MYD88: variants seen among roughly 807,000 people sequenced by gnomAD.
The protein encoded by MYD88 is MYD88 innate immune signal transduction adaptor, also known as myeloid differentiation primary response protein MyD88.
A neutral mutation model predicts 31.1 loss-of-function variants in MYD88; 15 were observed. The observed-to-expected ratio is 0.48, with a 90% CI of 0.32 to 0.74. The LOEUF (loss-of-function observed/expected upper bound fraction) is 0.74. Ranked by LOEUF, MYD88 falls within the 30% of genes least tolerant of loss-of-function variation. The probability of loss-of-function intolerance (pLI) is 0.03; values close to 1 mark genes in which losing one functional copy is unlikely to be tolerated. For synonymous variants in MYD88, 157 were observed against 158.8 expected, an observed-to-expected ratio of 0.99 and a Z score of 0.08; for missense variants, 308 against 387.4, an observed-to-expected ratio of 0.79 and a Z score of 1.72.
chr3:38,140,585 C>A lies in MYD88; in HGVS notation c.644+17C>A, dbSNP rs377443319. The A allele has an allele frequency of 3.7e-6, 6 of 1,614,088 alleles. No individual in the cohort carries two copies. In the South Asian group the frequency reaches 5.5e-5, roughly 15 times the overall value. On this transcript the variant is annotated intron_variant, in intron 3 of 4. Transcript: ENST00000650905. ...CGAAAAGAGGTTGGCTAGAAGGCCACGGGGTGGGTGCGTGGATGCATGAAG... is the reference window on the plus strand; with the variant it reads ...CGAAAAGAGGTTGGCTAGAAGGCCAAGGGGTGGGTGCGTGGATGCATGAAG...
rs1015066965 is a variant in MYD88 at position 38,141,500 on chromosome 3, A to G, written c.*214A>G. On this transcript the variant is annotated 3_prime_UTR_variant, in exon 5 of 5. Transcript: ENST00000650905. ...TGTGAGTGGCATGTCCACTTGCTGGATTATCAGCCAGGACACTATAGAACA... is the reference window on the plus strand; with the variant it reads ...TGTGAGTGGCATGTCCACTTGCTGGGTTATCAGCCAGGACACTATAGAACA... The G allele has an allele frequency of 1.5e-6, 1 of 669,466 alleles. No homozygotes were observed. Among genetic ancestry groups the G allele is most frequent in the African/African-American group, 1.8e-5 (1 of 56,622 alleles). 41.5% of individuals were successfully genotyped at this position (669,466 alleles called of 1,614,324 possible).
chr3:38,139,053 C>T lies in MYD88; in HGVS notation c.328+25C>T, dbSNP rs201354839. 980 of 1,595,130 alleles carry T rather than the reference C, an allele frequency of 6.1e-4. 1 individual carries two copies. The highest frequency in any genetic ancestry group is 7.3e-4 in the Non-Finnish European group (860 of 1,175,900). Reference sequence around the variant, plus strand: ...GGTGAGGACGTCCCCTTCCTGGCCTCGTACCTGGGGGGTGAGGAGGCTGAC... The same window carrying T: ...GGTGAGGACGTCCCCTTCCTGGCCTTGTACCTGGGGGGTGAGGAGGCTGAC... On this transcript the variant is annotated intron_variant, in intron 1 of 4. Transcript: ENST00000650905. This position sits in a 1 kb window ranked among gnomAD's most constrained non-coding sequence, Gnocchi z 4.7.
At position 38,142,001 on chromosome 3, in the gene MYD88, A is replaced by G. The variant is rs147457772; in HGVS notation, c.*715A>G. ...AAGTCCCCAAGAGACTCGCCTGAGC[A>G]GCTTGGGCTGCTTTTCATTTCCACC... On this transcript the variant is annotated 3_prime_UTR_variant, in exon 5 of 5. Transcript: ENST00000650905. 58 of 236,688 alleles carry G rather than the reference A, an allele frequency of 2.5e-4. No homozygotes were observed. In the Middle Eastern group the frequency reaches 3.8e-3, roughly 16 times the overall value. The allele number at this position is 236,688 out of a possible 1,614,324, so 14.7% of individuals were successfully genotyped here. A position where few individuals can be genotyped will look rare whatever the true frequency, so the allele number is the denominator to read the frequency against.
At position 38,142,942 on chromosome 3, in the gene MYD88, G is replaced by A. The variant is rs112504425; in HGVS notation, c.*1656G>A. The A allele has an allele frequency of 1.9e-3, 448 of 233,182 alleles. 4 individuals carry two copies. The highest frequency in any genetic ancestry group is 8.0e-3 in the African/African-American group (362 of 45,416). 14.4% of individuals were successfully genotyped at this position (233,182 alleles called of 1,614,324 possible). A position where few individuals can be genotyped will look rare whatever the true frequency, so the allele number is the denominator to read the frequency against. On this transcript the variant is annotated 3_prime_UTR_variant, in exon 5 of 5. Coordinates refer to ENST00000650905, the MANE Select transcript of MYD88 (RefSeq NM_002468.5). ...ATTTCAAAGATATCTGAGAAAAGCC[G>A]ATATTTGCCATTCTTCCTATATCCT...
intron 4 of MYD88, 114 bp downstream of exon 4, chr3:38,140,962 A>G (rs1559485063): frequency 7.4e-7 from 1 of 1,354,026 alleles, no homozygotes; most frequent in Non-Finnish European, 1.1e-6. Context: ...ACTGCTGAAG[A>G]TCTCTGCACA....
In MYD88 at chr3:38,139,743, A is replaced by T; in HGVS notation, c.329-121A>T. ...CGTTGAGCTTCGCGTGGCACCAGTG[A>T]ACTGGGGAAGCCCTCTAGAACAACC... is the stretch of plus-strand genomic sequence containing the variant. On this transcript the variant is annotated intron_variant, in intron 1 of 4. Coordinates refer to ENST00000650905, the MANE Select transcript of MYD88 (RefSeq NM_002468.5). This position sits in a 1 kb window ranked among gnomAD's most constrained non-coding sequence, Gnocchi z 4.7. 6 of 1,313,156 alleles carry T rather than the reference A, an allele frequency of 4.6e-6. No homozygotes were observed. The highest frequency in any genetic ancestry group is 6.4e-6 in the Non-Finnish European group (6 of 932,406). 81.3% of individuals were successfully genotyped at this position (1,313,156 alleles called of 1,614,324 possible). A position where few individuals can be genotyped will look rare whatever the true frequency, so the allele number is the denominator to read the frequency against.
Position 38,139,000 on chromosome 3 carries a change from C to G in MYD88, c.300C>G (p.Asp100Glu), listed in dbSNP as rs1045379373. 6.2e-7 allele frequency: 1 copy of G among 1,606,146 alleles called. No individual in the cohort carries two copies. Among genetic ancestry groups the G allele is most frequent in the Non-Finnish European group, 8.5e-7 (1 of 1,179,832 alleles). Reference sequence around the variant, plus strand: ...TGCTTACCAAGCTGGGCCGCGACGACGTGCTGCTGGAGCTGGGACCCAGCA... The same window carrying G: ...TGCTTACCAAGCTGGGCCGCGACGAGGTGCTGCTGGAGCTGGGACCCAGCA... ...LELLTKLGRD[D>E]VLLELGPSIE... Residue 100 changes from aspartate to glutamate, a missense_variant, in exon 1 of 5, where the codon GAC becomes GAG. Coordinates refer to ENST00000650905, the MANE Select transcript of MYD88 (RefSeq NM_002468.5). The surrounding 1 kb of genome is among the most constrained non-coding windows in gnomAD (Gnocchi z 6.4).
rs1407497884 is a variant in MYD88 at position 38,139,907 on chromosome 3, G to A, written c.372G>A (p.Glu124=). The part of the protein sequence containing the change: ...QKYILKQQQE[E]AEKPLQVAAV... The stretch of plus-strand genomic sequence containing the variant: ...ATATCTTGAAGCAGCAGCAGGAGGA[G>A]GCTGAGAAGCCTTTACAGGTGGCCG... Residue 124 remains glutamate, a synonymous_variant, in exon 2 of 5, where the codon GAG becomes GAA. Transcript: ENST00000650905. The surrounding 1 kb of genome is among the most constrained non-coding windows in gnomAD (Gnocchi z 4.7). 9.3e-6 allele frequency: 15 copies of A among 1,613,578 alleles called. No individual in the cohort carries two copies. The highest frequency in any genetic ancestry group is 1.3e-5 in the Non-Finnish European group (15 of 1,180,020).
At position 38,142,929 on chromosome 3, in the gene MYD88, T is replaced by C. The variant is rs928690483; in HGVS notation, c.*1643T>C. 41 of 233,150 alleles carry C rather than the reference T, an allele frequency of 1.8e-4. No individual in the cohort carries two copies. Among genetic ancestry groups the C allele is most frequent in the Admixed American group, 1.2e-3 (21 of 17,780 alleles). 14.4% of individuals were successfully genotyped at this position (233,150 alleles called of 1,614,324 possible). A position where few individuals can be genotyped will look rare whatever the true frequency, so the allele number is the denominator to read the frequency against. ...ACGCATTAAAATAATTTCAAAGATA[T>C]CTGAGAAAAGCCGATATTTGCCATT... On this transcript the variant is annotated 3_prime_UTR_variant, in exon 5 of 5. Transcript: ENST00000650905.
Position 38,140,009 on chromosome 3 carries a change from A to T in MYD88, c.463+11A>T, listed in dbSNP as rs369086722. The stretch of plus-strand genomic sequence containing the variant: ...TTGATGACCCCCTGGGTAAGGGTCC[A>T]ATACTGTTCCCATGGGACAGGTGGA... On this transcript the variant is annotated intron_variant, in intron 2 of 4. Coordinates refer to ENST00000650905, the MANE Select transcript of MYD88 (RefSeq NM_002468.5). 9.5e-5 allele frequency: 153 copies of T among 1,612,992 alleles called. No homozygotes were observed. Among genetic ancestry groups the T allele is most frequent in the Admixed American group, 1.5e-4 (9 of 59,870 alleles).
rs1034550886 is a variant in MYD88, at chr3:38,141,535, G to A, written c.*249G>A. The A allele has an allele frequency of 1.7e-6, 1 of 585,116 alleles. No homozygotes were observed. The highest frequency in any genetic ancestry group is 3.1e-6 in the Non-Finnish European group (1 of 323,886). The allele number at this position is 585,116 out of a possible 1,614,324, so 36.2% of individuals were successfully genotyped here. A position where few individuals can be genotyped will look rare whatever the true frequency, so the allele number is the denominator to read the frequency against. On this transcript the variant is annotated 3_prime_UTR_variant, in exon 5 of 5. Transcript: ENST00000650905. Reference sequence around the variant, plus strand: ...AGGACACTATAGAACAGGACCAGCTGAGACTAAGAAGGACCAGCAGAGCCA... The same window carrying A: ...AGGACACTATAGAACAGGACCAGCTAAGACTAAGAAGGACCAGCAGAGCCA...
chr3:38,141,026 G>T, intron 4 of MYD88, 106 bp from the exon 5 acceptor site: 2 of 1,507,100 alleles, frequency 1.3e-6, no homozygotes, highest in Non-Finnish European at 1.8e-6. Context: ...GTGTGCCAGG[G>T]GTACTTAGAT....
In MYD88 at chr3:38,141,374, T is replaced by C; in HGVS notation, c.*88T>C. On this transcript the variant is annotated 3_prime_UTR_variant, in exon 5 of 5. Coordinates refer to ENST00000650905, the MANE Select transcript of MYD88 (RefSeq NM_002468.5). ...CCTCCTCCTTTCGTTGTAGGAGGAA[T>C]CTGTGCTCTACTTACCTCTCAATTC... 6.5e-7 allele frequency: 1 copy of C among 1,545,022 alleles called. No individual in the cohort carries two copies. The highest frequency in any genetic ancestry group is 8.9e-7 in the Non-Finnish European group (1 of 1,118,342).
Position 38,142,313 on chromosome 3 carries a change from T to G in MYD88, c.*1027T>G, listed in dbSNP as rs1701098752. On this transcript the variant is annotated 3_prime_UTR_variant, in exon 5 of 5. Transcript: ENST00000650905. ...TCACATACAGACACACACATATATG[T>G]ACAGACATGTACTCTCACACACACA... 1 of 233,156 alleles carries G rather than the reference T, an allele frequency of 4.3e-6. No homozygotes were observed. The highest frequency in any genetic ancestry group is 1.8e-4 in the South Asian group (1 of 5,522). The allele number at this position is 233,156 out of a possible 1,614,324, so 14.4% of individuals were successfully genotyped here.
chr3:38,138,671 G>A lies in MYD88; in HGVS notation c.-30G>A, dbSNP rs541535441. ...GAAGCGCTGGCAGACAATGCGACCC[G>A]ACCGCGCTGAGGCTCCAGGACCGCC... On this transcript the variant is annotated 5_prime_UTR_variant, in exon 1 of 5. Transcript: ENST00000650905. This position sits in a 1 kb window ranked among gnomAD's most constrained non-coding sequence, Gnocchi z 6.4. The A allele has an allele frequency of 5.8e-6, 9 of 1,561,718 alleles. No homozygotes were observed. The highest frequency in any genetic ancestry group is 3.6e-5 in the Admixed American group (2 of 55,842).
chr3:38,138,670 C>G lies in MYD88; in HGVS notation c.-31C>G. 1 of 1,561,482 alleles carries G rather than the reference C, an allele frequency of 6.4e-7. No individual in the cohort carries two copies. Among genetic ancestry groups the G allele is most frequent in the South Asian group, 1.2e-5 (1 of 85,456 alleles). On this transcript the variant is annotated 5_prime_UTR_variant, in exon 1 of 5. Coordinates refer to ENST00000650905, the MANE Select transcript of MYD88 (RefSeq NM_002468.5). The surrounding 1 kb of genome is among the most constrained non-coding windows in gnomAD (Gnocchi z 6.4). ...GGAAGCGCTGGCAGACAATGCGACC[C>G]GACCGCGCTGAGGCTCCAGGACCGC...
chr3:38,140,076 A>G, intron 2 of MYD88, 78 bp downstream of exon 2: 1 of 1,563,158 alleles, frequency 6.4e-7, no homozygotes, highest in Non-Finnish European at 8.7e-7. Flanking sequence ...TTTGAAGCAG[A>G]TGGGCTGTGA....
At position 38,139,739 on chromosome 3, in the gene MYD88, A is replaced by G. The variant is rs4988456; in HGVS notation, c.329-125A>G. The G allele has an allele frequency of 5.8e-4, 728 of 1,257,062 alleles. 2 individuals are homozygous for G. The African/African-American group carries it at 7.6e-3, about 13-fold the overall frequency. 77.9% of individuals were successfully genotyped at this position (1,257,062 alleles called of 1,614,324 possible). A position where few individuals can be genotyped will look rare whatever the true frequency, so the allele number is the denominator to read the frequency against. ...GAGCCGTTGAGCTTCGCGTGGCACC[A>G]GTGAACTGGGGAAGCCCTCTAGAAC... On this transcript the variant is annotated intron_variant, in intron 1 of 4. Coordinates refer to ENST00000650905, the MANE Select transcript of MYD88 (RefSeq NM_002468.5). This position sits in a 1 kb window ranked among gnomAD's most constrained non-coding sequence, Gnocchi z 4.7.
intron 2 of MYD88, 121 bp downstream of exon 2, chr3:38,140,119 C>A: frequency 7.9e-7 from 1 of 1,271,612 alleles, no homozygotes; most frequent in Non-Finnish European, 1.1e-6. Context: ...CTTTCTGAGC[C>A]TCAGTTTCCT....
Sources: allele counts gnomAD v4.1 joint callset, GRCh38; gene constraint gnomAD v4.1.1; non-coding constraint Gnocchi (gnomAD v3.1); transcripts MANE v1.5; gene names NCBI Gene and HGNC (gene_info 2026-07-23, HGNC 2026-07-21).